POU6F2: variants seen among roughly 807,000 people sequenced by gnomAD.
POU6F2 encodes the protein POU class 6 homeobox 2.
In POU6F2, 31 loss-of-function variants were observed where a neutral mutation model predicts 71.3. The observed-to-expected ratio is 0.43, with a 90% CI of 0.33 to 0.59. The LOEUF (loss-of-function observed/expected upper bound fraction) is 0.59, where lower values mean the gene tolerates loss of function less well. Among genes scored for constraint, POU6F2 ranks in the 20% least tolerant of loss-of-function variants. The pLI, the probability that POU6F2 is intolerant of heterozygous loss-of-function variation, is 0.04. For synonymous variants in POU6F2, 347 were observed against 355.7 expected (o/e 0.98, Z 0.27); for missense variants, 783 against 856.8 (o/e 0.91, Z 1.07).
At chr7:39,028,291 T>C (rs1789862590) in intron 1 of POU6F2, among the ~76,000 whole-genome samples, 1 of 152,186 alleles carries the variant, frequency 6.6e-6, no homozygotes, top group South Asian at 2.1e-4. Context: ...ATGGTGTCTG[T>C]TGCTGGGCGG....
At chr7:39,157,967 AG>A (rs1330508355) in intron 2 of POU6F2, among the ~76,000 whole-genome samples, 1 of 152,228 alleles carries the variant, frequency 6.6e-6, no homozygotes, top group Non-Finnish European at 1.5e-5. Context: ...ACAAAAATTC[AG>A]GATGCTAGCC....
At chr7:39,213,335 G>C (rs1331482792) in intron 4 of POU6F2, among the ~76,000 whole-genome samples, 1 of 152,150 alleles carries the variant, frequency 6.6e-6, no homozygotes, top group Non-Finnish European at 1.5e-5. Context: ...AAGTACCTGG[G>C]AATAGTTTGG....
chr7:39,330,164 G>A (rs1192178259), intron 4 of POU6F2, among the ~76,000 whole-genome samples: 7 of 152,102 alleles, frequency 4.6e-5, no homozygotes, highest in African/African-American at 1.7e-4. Flanking sequence ...AAGACTTCCA[G>A]TTTATCTCTG....
chr7:39,351,667 GC>G (rs1396876142), intron 5 of POU6F2, among the ~76,000 whole-genome samples: 1 of 152,126 alleles, frequency 6.6e-6, no homozygotes, highest in Non-Finnish European at 1.5e-5. Flanking sequence ...CTGATCCAGA[GC>G]CCACCCCAGA....
intron 5 of POU6F2, among the ~76,000 whole-genome samples, chr7:39,352,584 G>T (rs1562800134): frequency 6.6e-6 from 1 of 152,182 alleles, no homozygotes; most frequent in Non-Finnish European, 1.5e-5. Flanking sequence ...CTCTTAAGGG[G>T]GCAGGGGTGC....
intron 8 of POU6F2, among the ~76,000 whole-genome samples, chr7:39,452,415 G>A (rs1788683238): frequency 6.6e-6 from 1 of 152,342 alleles, no homozygotes; most frequent in African/African-American, 2.4e-5. Context: ...TTTAATGTCA[G>A]TCACGTTTAG....
intron 4 of POU6F2, among the ~76,000 whole-genome samples, chr7:39,255,388 T>A (rs1266713273): frequency 6.6e-6 from 1 of 152,198 alleles, no homozygotes; most frequent in Admixed American, 6.5e-5. Context: ...CACTAAATTC[T>A]TACATATGCC....
rs1793794286 is a variant in POU6F2, at chr7:39,196,725, C to T, written c.278-7510C>T. ...AGTGAGCTGAGATCAAGCCACTACA[C>T]CCTAGCCTGGGCCACAGAGCGAGAC... On this transcript the variant is annotated intron_variant, in intron 2 of 9. Coordinates refer to ENST00000518318, the MANE Select transcript of POU6F2 (RefSeq NM_001370959.1). Among the ~76,000 whole-genome samples, 3 of 152,026 alleles carry T rather than the reference C, an allele frequency of 2.0e-5. No individual in the cohort carries two copies. In the South Asian group the frequency reaches 6.2e-4, roughly 32 times the overall value.
intron 5 of POU6F2, among the ~76,000 whole-genome samples, chr7:39,360,658 G>A (rs981408395): frequency 6.6e-6 from 1 of 152,246 alleles, no homozygotes; most frequent in Non-Finnish European, 1.5e-5. Context: ...AGTTTATTAA[G>A]AAAGTAAAGA....
At chr7:39,392,598 C>T (rs1787095072) in intron 5 of POU6F2, among the ~76,000 whole-genome samples, 1 of 152,192 alleles carries the variant, frequency 6.6e-6, no homozygotes, top group African/African-American at 2.4e-5. Flanking sequence ...AGGTTTTCGT[C>T]AGGGAAGGGT....
At chr7:39,011,942 T>C (rs1436067794) in intron 1 of POU6F2, among the ~76,000 whole-genome samples, 2 of 152,102 alleles carry the variant, frequency 1.3e-5, no homozygotes, top group African/African-American at 4.8e-5. Flanking sequence ...CCTTTCTCTC[T>C]GGCTGCCCTT....
chr7:39,027,276 C>T (rs1789830861), intron 1 of POU6F2, among the ~76,000 whole-genome samples: 1 of 152,136 alleles, frequency 6.6e-6, no homozygotes, highest in South Asian at 2.1e-4. Flanking sequence ...GGATATCCTT[C>T]TGGAAACCCT....
At chr7:39,454,723 T>A (rs867291196) in intron 8 of POU6F2, among the ~76,000 whole-genome samples, 22 of 83,148 alleles carry the variant, frequency 2.6e-4, no homozygotes, top group Admixed American at 7.1e-4. Context: ...TATATATATA[T>A]ATATAAAATA....
chr7:39,422,802 T>G (rs1434310704), intron 6 of POU6F2, among the ~76,000 whole-genome samples: 1 of 152,268 alleles, frequency 6.6e-6, no homozygotes, highest in East Asian at 1.9e-4. Flanking sequence ...AATAACTCAG[T>G]CCGGATTGTT....
intron 4 of POU6F2, among the ~76,000 whole-genome samples, chr7:39,314,866 CT>C (rs2128767668): frequency 6.6e-6 from 1 of 152,010 alleles, no homozygotes; most frequent in South Asian, 2.1e-4. Context: ...CTCTTCTGAA[CT>C]TTAAAGTAGA....
intron 1 of POU6F2, among the ~76,000 whole-genome samples, chr7:38,982,851 A>G (rs1042348903): frequency 1.3e-5 from 2 of 152,106 alleles, no homozygotes; most frequent in African/African-American, 2.4e-5. Context: ...CTTTTAGAAT[A>G]CAAATGCTTA....
Position 39,382,430 on chromosome 7 carries a change from A to G in POU6F2, c.973-24170A>G, listed in dbSNP as rs1257839230. Among the ~76,000 whole-genome samples, 4 of 152,204 alleles carry G rather than the reference A, an allele frequency of 2.6e-5. No individual in the cohort carries two copies. The East Asian group carries it at 7.7e-4, about 29-fold the overall frequency. ...GCCAGCAGGATGGGGGAAGACCTAG[A>G]GGAACCGAGGCAGGCGAGTGGACCA... is the stretch of plus-strand genomic sequence containing the variant. On this transcript the variant is annotated intron_variant, in intron 5 of 9. Coordinates refer to ENST00000518318, the MANE Select transcript of POU6F2 (RefSeq NM_001370959.1).
intron 1 of POU6F2, among the ~76,000 whole-genome samples, chr7:39,047,535 A>G (rs1478629074): frequency 6.6e-6 from 1 of 151,902 alleles, no homozygotes; most frequent in Admixed American, 6.6e-5. Context: ...TGCAACGACA[A>G]TAGATTTTTT....
chr7:39,429,265 C>A (rs1399777330), intron 6 of POU6F2, among the ~76,000 whole-genome samples: 2 of 152,110 alleles, frequency 1.3e-5, no homozygotes, highest in East Asian at 3.9e-4. Context: ...AGAATGGTTT[C>A]TCTGCCTTCC....
Sources: allele counts gnomAD v4.1 joint callset (sites outside exome capture counted in the v4.1 genomes callset), GRCh38; gene constraint gnomAD v4.1.1; transcripts MANE v1.5; gene names NCBI Gene and HGNC (gene_info 2026-07-23, HGNC 2026-07-21).